SLC24A2: variants seen among roughly 807,000 people sequenced by gnomAD.
SLC24A2 encodes the protein sodium/potassium/calcium exchanger 2.
A neutral mutation model predicts 62.0 loss-of-function variants in SLC24A2; 36 were observed. That is an observed-to-expected ratio of 0.58 (90% CI 0.44 to 0.77). The LOEUF is 0.77. Among genes scored for constraint, SLC24A2 ranks in the 30% least tolerant of loss-of-function variants. The pLI, the probability that SLC24A2 is intolerant of heterozygous loss-of-function variation, is 0.00. For synonymous variants in SLC24A2, 358 were observed against 294.0 expected (o/e 1.22, Z -2.23); for missense variants, 846 against 817.9 (o/e 1.03, Z -0.42).
chr9:20,011,860 T>A, the SLC24A2 span, among the ~76,000 whole-genome samples: 4 of 152,200 alleles, frequency 2.6e-5, no homozygotes, highest in African/African-American at 4.8e-5. Flanking sequence ...GAGGGATTTA[T>A]CCCTGGAATT....
At chr9:19,567,574 T>TATG (rs1341420356) in intron 7 of SLC24A2, among the ~76,000 whole-genome samples, 1 of 145,802 alleles carries the variant, frequency 6.9e-6, no homozygotes, top group African/African-American at 2.6e-5. Flanking sequence ...AGGTAAGGAA[T>TATG]ATGTTCTTAT....
the SLC24A2 span, among the ~76,000 whole-genome samples, chr9:19,883,713 C>A: frequency 1.3e-5 from 2 of 152,004 alleles, no homozygotes; most frequent in African/African-American, 4.8e-5. Context: ...CTACAGGTGC[C>A]CGCCACCATG....
chr9:20,089,655 G>T, the SLC24A2 span, among the ~76,000 whole-genome samples: 1 of 152,028 alleles, frequency 6.6e-6, no homozygotes, highest in South Asian at 2.1e-4. Context: ...TTTCCCTGGG[G>T]AGAGGCTCCC....
the SLC24A2 span, among the ~76,000 whole-genome samples, chr9:20,163,842 T>C: frequency 6.6e-6 from 1 of 152,108 alleles, no homozygotes; most frequent in Non-Finnish European, 1.5e-5. Context: ...TCTACAACTA[T>C]CTGATCTTTG....
At chr9:20,284,304 G>T in the SLC24A2 span, among the ~76,000 whole-genome samples, 18,118 of 151,704 alleles carry the variant, frequency 0.12, 1,962 homozygotes, top group East Asian at 0.5. Flanking sequence ...AAGAGATGGG[G>T]TTTCACTCTG....
At chr9:19,741,814 TA>T (rs1044772568) in intron 2 of SLC24A2, among the ~76,000 whole-genome samples, 1 of 152,174 alleles carries the variant, frequency 6.6e-6, no homozygotes, top group Non-Finnish European at 1.5e-5. Flanking sequence ...TACATTTGTG[TA>T]AAAAATCAAC....
intron 2 of SLC24A2, among the ~76,000 whole-genome samples, chr9:19,728,576 G>C (rs1002642612): frequency 7.9e-5 from 12 of 152,092 alleles, no homozygotes; most frequent in Non-Finnish European, 4.4e-5. Context: ...GATTATAGAA[G>C]GGTCTCAACT....
chr9:19,784,912 T>A (rs906803106), intron 2 of SLC24A2, among the ~76,000 whole-genome samples: 1 of 152,188 alleles, frequency 6.6e-6, no homozygotes, highest in African/African-American at 2.4e-5. Flanking sequence ...AATTTAACCA[T>A]ATTAATATCA....
intron 2 of SLC24A2, among the ~76,000 whole-genome samples, chr9:19,711,648 G>A (rs1334364592): frequency 6.6e-6 from 1 of 152,194 alleles, no homozygotes; most frequent in Non-Finnish European, 1.5e-5. Flanking sequence ...CAAAATCAAA[G>A]CACATACCAT....
At chr9:19,721,856 G>C (rs1222864814) in intron 2 of SLC24A2, among the ~76,000 whole-genome samples, 1 of 152,026 alleles carries the variant, frequency 6.6e-6, no homozygotes, top group Non-Finnish European at 1.5e-5. Context: ...AGAAAACGTT[G>C]TCATTATTCT....
the SLC24A2 span, among the ~76,000 whole-genome samples, chr9:20,090,270 C>T: frequency 1.3e-5 from 2 of 152,086 alleles, no homozygotes; most frequent in Non-Finnish European, 2.9e-5. Flanking sequence ...CCCCAGGAGA[C>T]AAGAAAAAAC....
At chr9:20,024,762 G>A in the SLC24A2 span, among the ~76,000 whole-genome samples, 12 of 152,148 alleles carry the variant, frequency 7.9e-5, no homozygotes, top group African/African-American at 2.7e-4. Context: ...GGTGAGGTGG[G>A]GTGGGGAGAA....
At chr9:19,684,520 A>G (rs780148179) in intron 2 of SLC24A2, among the ~76,000 whole-genome samples, 1 of 152,080 alleles carries the variant, frequency 6.6e-6, no homozygotes, top group Non-Finnish European at 1.5e-5. Flanking sequence ...ACAAGTGAGC[A>G]TAACAGCACC....
the SLC24A2 span, among the ~76,000 whole-genome samples, chr9:20,039,548 G>A: frequency 3.3e-5 from 5 of 151,884 alleles, no homozygotes; most frequent in African/African-American, 1.2e-4. Context: ...AGACAAGCAG[G>A]AGGGCAGGAG....
the SLC24A2 span, among the ~76,000 whole-genome samples, chr9:20,031,779 T>G: frequency 2.6e-5 from 4 of 152,124 alleles, no homozygotes; most frequent in Non-Finnish European, 4.4e-5. Context: ...TTGGCACTTG[T>G]ATCCAGACAA....
At chr9:20,015,372 C>A in the SLC24A2 span, among the ~76,000 whole-genome samples, 4 of 152,140 alleles carry the variant, frequency 2.6e-5, no homozygotes, top group Non-Finnish European at 5.9e-5. Flanking sequence ...AAACATACAT[C>A]TGACCCAGGA....
the SLC24A2 span, among the ~76,000 whole-genome samples, chr9:20,288,404 G>A: frequency 3.9e-5 from 6 of 152,082 alleles, no homozygotes; most frequent in South Asian, 2.1e-4. Context: ...TAGAGGATGA[G>A]TGCATGCCGG....
At chr9:20,112,838 C>T in the SLC24A2 span, among the ~76,000 whole-genome samples, 108 of 152,112 alleles carry the variant, frequency 7.1e-4, no homozygotes, top group East Asian at 0.017. Flanking sequence ...CCCACCTCCC[C>T]TGCCCTACCA....
the SLC24A2 span, among the ~76,000 whole-genome samples, chr9:19,956,466 C>A: frequency 6.6e-6 from 1 of 152,128 alleles, no homozygotes. Context: ...TTGTATTAGT[C>A]TGTTTTCACG....
Sources: allele counts gnomAD v4.1 joint callset (sites outside exome capture counted in the v4.1 genomes callset), GRCh38; gene constraint gnomAD v4.1.1; transcripts MANE v1.5; gene names NCBI Gene and HGNC (gene_info 2026-07-23, HGNC 2026-07-21).